KLHDC4: variants seen among roughly 807,000 people sequenced by gnomAD.
KLHDC4 encodes the protein kelch domain containing 4.
KLHDC4 carries 90 observed loss-of-function variants against 62.4 expected under a neutral mutation model. That is an observed-to-expected ratio of 1.44 (90% confidence interval 1.22 to 1.72). KLHDC4 has a LOEUF of 1.72. Among genes scored for constraint, KLHDC4 ranks in the 40% most tolerant of loss-of-function variants. The probability of loss-of-function intolerance (pLI) is 0.00; values close to 1 mark genes in which losing one functional copy is unlikely to be tolerated. For synonymous variants in KLHDC4, 386 were observed against 284.4 expected, an observed-to-expected ratio of 1.36 and a Z score of -3.59; for missense variants, 1,025 against 699.7, an observed-to-expected ratio of 1.47 and a Z score of -5.25.
chr16:87,755,332 C>T (rs371610119), intron 3 of KLHDC4, 40 bp from the exon 4 acceptor site: 27 of 1,064,756 alleles, frequency 2.5e-5, no homozygotes, highest in East Asian at 1.2e-4. Context: ...ACAAATGATA[C>T]GCTTCCAAGG....
At chr16:87,723,940 G>T (rs962993197) in intron 7 of KLHDC4, among the ~76,000 whole-genome samples, 1 of 152,172 alleles carries the variant, frequency 6.6e-6, no homozygotes, top group African/African-American at 2.4e-5. Context: ...GGGTTCAAGT[G>T]ATTCTCCTAT....
At chr16:87,765,370 G>C (rs559708714) in intron 1 of KLHDC4, 2 of 464,600 alleles carry the variant, frequency 4.3e-6, no homozygotes, top group South Asian at 3.1e-5. Context: ...GTTCAGAAAA[G>C]TTAAGAGTCT....
At chr16:87,700,828 AGGTT>A (rs1168985320) in exon 1 of KLHDC4, 65 of 123,896 alleles carry the variant, frequency 5.2e-4, no homozygotes, top group Non-Finnish European at 8.3e-4. Flanking sequence ...CAGAGGGAGG[AGGTT>A]GGAGGGCGGA....
intron 7 of KLHDC4, among the ~76,000 whole-genome samples, chr16:87,721,306 C>G (rs1288350604): frequency 6.6e-6 from 1 of 151,626 alleles, no homozygotes; most frequent in Non-Finnish European, 1.5e-5. Flanking sequence ...TGTAGTCCCA[C>G]CTACTCCGGA....
At chr16:87,745,915 C>A (rs1227618738) in intron 5 of KLHDC4, among the ~76,000 whole-genome samples, 1 of 152,156 alleles carries the variant, frequency 6.6e-6, no homozygotes, top group Non-Finnish European at 1.5e-5. Flanking sequence ...ATCTCCCAAT[C>A]ACAAATACAT....
chr16:87,738,164 C>G (rs916231933), intron 5 of KLHDC4, among the ~76,000 whole-genome samples: 1 of 152,174 alleles, frequency 6.6e-6, no homozygotes, highest in African/African-American at 2.4e-5. Context: ...CTGAGACTCT[C>G]AGAGGCCAGT....
At chr16:87,731,046 C>CTTTTTTTTT (rs774096264) in intron 5 of KLHDC4, 8 of 72,068 alleles carry the variant, frequency 1.1e-4, no homozygotes, top group African/African-American at 1.3e-4. Context: ...ATACAGAATT[C>CTTTTTTTTT]TTTTTTTTTT....
chr16:87,744,809 T>TACAGTGTGCACGC (rs2042785608), intron 5 of KLHDC4, among the ~76,000 whole-genome samples: 1 of 152,164 alleles, frequency 6.6e-6, no homozygotes, highest in African/African-American at 2.4e-5. Flanking sequence ...CCTGTGCACG[T>TACAGTGTGCACGC]ACAGTGTGCA....
intron 9 of KLHDC4, chr16:87,710,491 T>C (rs1040174722): frequency 5.3e-5 from 8 of 152,166 alleles, no homozygotes; most frequent in Non-Finnish European, 1.2e-4. Flanking sequence ...TCCTGGGGAA[T>C]GTCAACGGCC....
chr16:87,731,976 T>A (rs1172152173), intron 5 of KLHDC4, among the ~76,000 whole-genome samples: 1 of 152,182 alleles, frequency 6.6e-6, no homozygotes, highest in African/African-American at 2.4e-5. Flanking sequence ...AAAGGTGAGA[T>A]CCGTCTTCGG....
intron 7 of KLHDC4, among the ~76,000 whole-genome samples, chr16:87,720,549 C>T (rs985935232): frequency 6.6e-6 from 1 of 152,040 alleles, no homozygotes; most frequent in Non-Finnish European, 1.5e-5. Flanking sequence ...GACGCCGCGC[C>T]CCTGGGGAGA....
At chr16:87,740,000 T>G (rs1002232950) in intron 5 of KLHDC4, 2 of 152,224 alleles carry the variant, frequency 1.3e-5, no homozygotes, top group African/African-American at 2.4e-5. Flanking sequence ...CAGAGAAAGC[T>G]GTTATGAAAC....
At chr16:87,751,676 T>C (rs960967002) in intron 4 of KLHDC4, among the ~76,000 whole-genome samples, 3 of 151,696 alleles carry the variant, frequency 2.0e-5, no homozygotes, top group Non-Finnish European at 4.4e-5. Context: ...CCCAACACTG[T>C]GGGAGGCTCA....
At chr16:87,705,103 GCTTCCT>G (rs66952108), downstream of KLHDC4, among the ~76,000 whole-genome samples, 13,405 of 152,274 alleles carry the variant, frequency 0.088, 767 homozygotes, top group South Asian at 0.16. Flanking sequence ...CGAGGGAAAG[GCTTCCT>G]AACAGCCAGC....
At chr16:87,744,901 A>G (rs1475053308) in intron 5 of KLHDC4, among the ~76,000 whole-genome samples, 1 of 152,062 alleles carries the variant, frequency 6.6e-6, no homozygotes, top group East Asian at 1.9e-4. Context: ...ACACGCATGC[A>G]GTCACACACA....
chr16:87,733,878 A>G (rs970531391), intron 5 of KLHDC4, among the ~76,000 whole-genome samples: 5 of 152,218 alleles, frequency 3.3e-5, no homozygotes, highest in South Asian at 2.1e-4. Context: ...CTCTCCACAC[A>G]GGTCACAGCA....
intron 4 of KLHDC4, among the ~76,000 whole-genome samples, chr16:87,753,042 G>A (rs1409238341): frequency 6.6e-6 from 1 of 152,254 alleles, no homozygotes; most frequent in East Asian, 1.9e-4. Context: ...CTTCCCTGGA[G>A]CAGGGACAAG....
intron 5 of KLHDC4, among the ~76,000 whole-genome samples, chr16:87,743,514 T>C (rs1017288433): frequency 6.6e-6 from 1 of 151,002 alleles, no homozygotes; most frequent in Non-Finnish European, 1.5e-5. Context: ...CCGAGGTGGG[T>C]GGATCATGAG....
downstream of KLHDC4, chr16:87,707,768 C>G (rs971679085): frequency 6.0e-6 from 2 of 332,894 alleles, no homozygotes; most frequent in African/African-American, 4.3e-5. Flanking sequence ...CCCGGGAAGA[C>G]TGCGGTGTGC....
Sources: allele counts gnomAD v4.1 joint callset (sites outside exome capture counted in the v4.1 genomes callset), GRCh38; gene constraint gnomAD v4.1.1; transcripts MANE v1.5; gene names NCBI Gene and HGNC (gene_info 2026-07-23, HGNC 2026-07-21).